GRM7: variants seen among roughly 807,000 people sequenced by gnomAD.
GRM7 encodes the protein metabotropic glutamate receptor 7.
In GRM7, 35 loss-of-function variants were observed where a neutral mutation model predicts 84.5. The ratio of observed to expected loss-of-function variants is 0.41; its 90% CI spans 0.32 to 0.55. The LOEUF (loss-of-function observed/expected upper bound fraction) is 0.55, where lower values mean the gene tolerates loss of function less well. Ranked by LOEUF, GRM7 falls within the 20% of genes least tolerant of loss-of-function variation. GRM7 has a pLI of 0.19. For missense variants in GRM7, 1,003 were observed against 1,194.6 expected, an observed-to-expected ratio of 0.84 and a Z score of 2.36; for synonymous variants, 487 against 455.1, an observed-to-expected ratio of 1.07 and a Z score of -0.89.
intron 4 of GRM7, among the ~76,000 whole-genome samples, chr3:7,368,464 G>T (rs1056896794): frequency 6.6e-6 from 1 of 152,016 alleles, no homozygotes; most frequent in Non-Finnish European, 1.5e-5. Context: ...TTTCATTGAT[G>T]GTAATGGATA....
intron 1 of GRM7, among the ~76,000 whole-genome samples, chr3:6,949,343 G>A (rs1692604994): frequency 6.6e-6 from 1 of 152,072 alleles, no homozygotes; most frequent in African/African-American, 2.4e-5. Context: ...ATGAAATTCT[G>A]GGTTGAAAAT....
At chr3:7,510,209 C>T (rs926404293) in intron 7 of GRM7, among the ~76,000 whole-genome samples, 1 of 152,102 alleles carries the variant, frequency 6.6e-6, no homozygotes, top group East Asian at 1.9e-4. Flanking sequence ...TGTGGTCACC[C>T]TATTATTACC....
At chr3:7,349,947 T>C (rs533105615) in intron 4 of GRM7, among the ~76,000 whole-genome samples, 8 of 152,212 alleles carry the variant, frequency 5.3e-5, no homozygotes. Context: ...ATTCCTTTGT[T>C]TTTCTCTAGC....
At chr3:7,181,787 A>AT (rs1006249013) in intron 2 of GRM7, among the ~76,000 whole-genome samples, 70 of 151,608 alleles carry the variant, frequency 4.6e-4, no homozygotes, top group African/African-American at 1.5e-3. Context: ...TTTATTTTTT[A>AT]TTTTTTGTGG....
At position 6,861,521 on chromosome 3, in the gene GRM7, A is replaced by G; in HGVS notation, c.133A>G (p.Ile45Val). The change falls in exon 1 of 10, where the codon ATC (isoleucine) becomes GTC (valine). Residue 45 changes from isoleucine to valine, a missense_variant. Transcript: ENST00000357716. This position sits in a 1 kb window ranked among gnomAD's most constrained non-coding sequence, Gnocchi z 6.4. The stretch of plus-strand genomic sequence containing the variant: ...GATGTACGCCCCGCACTCAATCCGG[A>G]TCGAGGGGGACGTCACCCTCGGGGG... ...QEMYAPHSIR[I>V]EGDVTLGGLF... The G allele has an allele frequency of 6.3e-7, 1 of 1,578,234 alleles. No individual in the cohort carries two copies. The highest frequency in any genetic ancestry group is 8.6e-7 in the Non-Finnish European group (1 of 1,163,278).
intron 2 of GRM7, among the ~76,000 whole-genome samples, chr3:7,232,501 A>C (rs1697225333): frequency 6.6e-6 from 1 of 152,180 alleles, no homozygotes; most frequent in Non-Finnish European, 1.5e-5. Flanking sequence ...GAAGTATCAG[A>C]TGATAGGATG....
At position 7,246,878 on chromosome 3, in the gene GRM7, CATT is replaced by C. The variant is rs145093385; in HGVS notation, c.737-51805_737-51803del. On this transcript the variant is annotated intron_variant, in intron 2 of 9. Coordinates refer to ENST00000357716, the MANE Select transcript of GRM7 (RefSeq NM_000844.4). ...CCAAAACAATATTGAAAAGGACAAA[CATT>C]GTTGTAGGATTTACAGTACTAGATT... Among the ~76,000 whole-genome samples, 24 of 152,134 alleles carry C rather than the reference CATT, an allele frequency of 1.6e-4. No homozygotes were observed. The East Asian group carries it at 3.7e-3, about 23-fold the overall frequency.
chr3:7,516,446 C>T (rs1420009988), intron 7 of GRM7, among the ~76,000 whole-genome samples: 4 of 129,760 alleles, frequency 3.1e-5, no homozygotes, highest in African/African-American at 9.0e-5. Flanking sequence ...CCCTGCACTC[C>T]AGCCTGGGCG....
intron 8 of GRM7, among the ~76,000 whole-genome samples, chr3:7,604,596 C>T (rs1340734366): frequency 6.6e-6 from 1 of 152,130 alleles, no homozygotes; most frequent in African/African-American, 2.4e-5. Context: ...CAAAGGTTTC[C>T]TAAAAGGCCA....
At chr3:7,164,358 C>CA (rs1202640719) in intron 2 of GRM7, among the ~76,000 whole-genome samples, 3 of 152,122 alleles carry the variant, frequency 2.0e-5, no homozygotes, top group East Asian at 1.9e-4. Flanking sequence ...GGCTCCCTCT[C>CA]AAAAAAATTA....
intron 8 of GRM7, among the ~76,000 whole-genome samples, chr3:7,618,125 CT>C (rs1313655584): frequency 6.6e-6 from 1 of 152,074 alleles, no homozygotes; most frequent in African/African-American, 2.4e-5. Flanking sequence ...TAACTGTTGG[CT>C]GATATAATTA....
intron 1 of GRM7, among the ~76,000 whole-genome samples, chr3:7,127,498 A>C (rs1449720134): frequency 6.6e-6 from 1 of 152,204 alleles, no homozygotes; most frequent in Non-Finnish European, 1.5e-5. Context: ...GCTAAATTCA[A>C]AGCAGCTGCT....
chr3:7,449,590 A>G (rs1180238396), intron 5 of GRM7, among the ~76,000 whole-genome samples: 2 of 152,004 alleles, frequency 1.3e-5, no homozygotes, highest in Admixed American at 1.3e-4. Flanking sequence ...TTTATAATTG[A>G]AACTCTAGTT....
At chr3:7,725,158 T>A (rs909462338) in intron 9 of GRM7, among the ~76,000 whole-genome samples, 1 of 151,970 alleles carries the variant, frequency 6.6e-6, no homozygotes, top group Non-Finnish European at 1.5e-5. Context: ...TGACAAAAAA[T>A]AAGCTGTAGT....
rs1694209581 is a variant in GRM7, at chr3:7,149,423, A to G, written c.736+2755A>G. 3.3e-5 allele frequency among the ~76,000 whole-genome samples: 5 copies of G among 152,332 alleles called. 1 individual carries two copies. The South Asian group carries it at 1.0e-3, about 32-fold the overall frequency. Reference sequence around the variant, plus strand: ...TGTTCAATTGAAGAAATAATCATATATTCTCATTCCAAAACAATAAGAAAA... The same window carrying G: ...TGTTCAATTGAAGAAATAATCATATGTTCTCATTCCAAAACAATAAGAAAA... On this transcript the variant is annotated intron_variant, in intron 2 of 9. Coordinates refer to ENST00000357716, the MANE Select transcript of GRM7 (RefSeq NM_000844.4).
rs200394580 is a variant in GRM7 at position 7,208,252 on chromosome 3, G to C, written c.736+61584G>C. Among the ~76,000 whole-genome samples the C allele has an allele frequency of 1.4e-4, 22 of 152,272 alleles. No homozygotes were observed. The East Asian group carries it at 4.2e-3, about 29-fold the overall frequency. On this transcript the variant is annotated intron_variant, in intron 2 of 9. Coordinates refer to ENST00000357716, the MANE Select transcript of GRM7 (RefSeq NM_000844.4). ...AGTGGCAATAATACTAAAAGAGAGT[G>C]AAGAATAGATATGGACCTGGCCTTC...
chr3:7,458,207 A>G (rs1268679560), intron 6 of GRM7, among the ~76,000 whole-genome samples: 1 of 152,166 alleles, frequency 6.6e-6, no homozygotes, highest in Non-Finnish European at 1.5e-5. Context: ...TTCGGGCTTC[A>G]GTACAATCTG....
chr3:7,099,365 T>C (rs1345657616), intron 1 of GRM7, among the ~76,000 whole-genome samples: 1 of 148,172 alleles, frequency 6.7e-6, no homozygotes, highest in Non-Finnish European at 1.5e-5. Context: ...TACACATGTA[T>C]ACATATATAC....
intron 4 of GRM7, among the ~76,000 whole-genome samples, chr3:7,358,649 C>CT (rs1213714601): frequency 2.1e-5 from 3 of 141,918 alleles, no homozygotes; most frequent in Admixed American, 1.4e-4. Context: ...ACTGGGATCT[C>CT]TTTTTTGCAA....
Sources: allele counts gnomAD v4.1 joint callset (sites outside exome capture counted in the v4.1 genomes callset), GRCh38; gene constraint gnomAD v4.1.1; non-coding constraint Gnocchi (gnomAD v3.1); transcripts MANE v1.5; gene names NCBI Gene and HGNC (gene_info 2026-07-23, HGNC 2026-07-21).